The following PRKD3 variants were observed in gnomAD, a reference collection of about 807,000 sequenced individuals.
PRKD3 encodes the protein serine/threonine-protein kinase D3.
Under a neutral mutation model 99.2 loss-of-function variants are expected in PRKD3, and 47 were observed. The observed-to-expected ratio is 0.47, with a 90% CI of 0.38 to 0.60. The LOEUF is 0.60. Among genes scored for constraint, PRKD3 ranks in the 20% least tolerant of loss-of-function variants. PRKD3 has a pLI of 0.00. For synonymous variants in PRKD3, 392 were observed against 355.4 expected, an observed-to-expected ratio of 1.10 and a Z score of -1.16; for missense variants, 1,019 against 1,088.4, an observed-to-expected ratio of 0.94 and a Z score of 0.90.
intron 14 of PRKD3, among the ~76,000 whole-genome samples, chr2:37,263,316 T>G (rs1316277287): frequency 6.6e-6 from 1 of 152,184 alleles, no homozygotes; most frequent in African/African-American, 2.4e-5. Context: ...GTTTTCTGAT[T>G]TTGTAATTTA....
chr2:37,316,580 G>C lies in PRKD3; in HGVS notation c.-56C>G. 1 of 1,548,112 alleles carries C rather than the reference G, an allele frequency of 6.5e-7. No individual in the cohort carries two copies. Among genetic ancestry groups the C allele is most frequent in the South Asian group, 1.3e-5 (1 of 79,418 alleles). The stretch of plus-strand genomic sequence containing the variant: ...TCGATTCTTTTTCAATGGTTATGAA[G>C]AGGTTTTTAAAATAACAGCAGTAAA... On this transcript the variant is annotated 5_prime_UTR_variant, in exon 2 of 19. Transcript: ENST00000234179.
intron 10 of PRKD3, 147 bp from the exon 11 acceptor site, chr2:37,274,844 G>A: frequency 2.5e-6 from 2 of 801,158 alleles, no homozygotes; most frequent in Non-Finnish European, 3.9e-6. Flanking sequence ...TGAGTCTTAT[G>A]ACATGGCCTG....
intron 1 of PRKD3, among the ~76,000 whole-genome samples, chr2:37,320,616 G>C (rs1184428120): frequency 7.9e-5 from 12 of 151,708 alleles, no homozygotes; most frequent in African/African-American, 2.4e-5. Flanking sequence ...ATTTTTAGTA[G>C]AGACGGGGTT....
At position 37,277,888 on chromosome 2, in the gene PRKD3, T is replaced by A; in HGVS notation, c.1274A>T (p.His425Leu). The A allele has an allele frequency of 6.2e-7, 1 of 1,613,770 alleles. No individual in the cohort carries two copies. Among genetic ancestry groups the A allele is most frequent in the Admixed American group, 1.7e-5 (1 of 60,010 alleles). Residue 425 changes from histidine (H) to leucine (L), a missense_variant, in exon 9 of 19, where the codon CAT (histidine) becomes CTT (leucine). This residue lies in a region of PRKD3 where 710 missense variants were observed against 692.7 expected (regional missense o/e 1.02). Transcript: ENST00000234179. Reference protein sequence around the residue: ...STMVKEGWMVHYTSRDNLRKR... With the variant: ...STMVKEGWMVLYTSRDNLRKR... ...GACCAGGTTATCCCTGCTGGTGTAATGGACCATCCACCCTTCCTTCACCAT... is the reference window on the plus strand; with the variant it reads ...GACCAGGTTATCCCTGCTGGTGTAAAGGACCATCCACCCTTCCTTCACCAT...
intron 16 of PRKD3, among the ~76,000 whole-genome samples, 155 bp from the exon 17 acceptor site, chr2:37,257,084 T>C (rs1668013380): frequency 6.6e-6 from 1 of 152,188 alleles, no homozygotes; most frequent in South Asian, 2.1e-4. Context: ...AAAATATCCT[T>C]TTCTCAAAAG....
intron 2 of PRKD3, among the ~76,000 whole-genome samples, chr2:37,296,771 G>C (rs2124857175): frequency 6.6e-6 from 1 of 151,616 alleles, no homozygotes; most frequent in South Asian, 2.1e-4. Flanking sequence ...GTGGTGGCGG[G>C]CGCCTGTAGT....
At chr2:37,285,622 T>G (rs1312056518) in intron 6 of PRKD3, among the ~76,000 whole-genome samples, 1 of 152,218 alleles carries the variant, frequency 6.6e-6, no homozygotes, top group African/African-American at 2.4e-5. Flanking sequence ...TTTTGTTTAG[T>G]GTCTGGCTCT....
chr2:37,282,766 C>T, intron 6 of PRKD3, 147 bp from the exon 7 acceptor site: 2 of 626,004 alleles, frequency 3.2e-6, no homozygotes, highest in African/African-American at 1.8e-5. Flanking sequence ...ACTTTAGCAC[C>T]CCTCTGCACC....
intron 2 of PRKD3, among the ~76,000 whole-genome samples, chr2:37,301,954 C>G (rs1670949992): frequency 6.6e-6 from 1 of 152,172 alleles, no homozygotes; most frequent in South Asian, 2.1e-4. Flanking sequence ...GTGGGTAGAG[C>G]ACTGTAGAAC....
intron 8 of PRKD3, chr2:37,279,163 G>C (rs1669719116): frequency 6.6e-6 from 1 of 152,006 alleles, no homozygotes; most frequent in Non-Finnish European, 1.5e-5. Context: ...CCAAAATGGG[G>C]ACATTTTGCT....
chr2:37,275,652 T>C, intron 10 of PRKD3, 115 bp downstream of exon 10: 1 of 1,161,508 alleles, frequency 8.6e-7, no homozygotes, highest in Non-Finnish European at 1.1e-6. Flanking sequence ...CAGTGACTTC[T>C]ATAAACCATA....
intron 2 of PRKD3, among the ~76,000 whole-genome samples, chr2:37,303,515 C>G (rs190815587): frequency 6.6e-6 from 1 of 151,906 alleles, no homozygotes; most frequent in Non-Finnish European, 1.5e-5. Context: ...ACCTAAGTGC[C>G]GCTGTGGGGC....
intron 14 of PRKD3, among the ~76,000 whole-genome samples, chr2:37,263,218 G>A (rs1243064915): frequency 6.6e-6 from 1 of 152,094 alleles, no homozygotes. Flanking sequence ...TATATATGCA[G>A]TATTTTCAGG....
At chr2:37,306,182 C>T (rs566555614) in intron 2 of PRKD3, among the ~76,000 whole-genome samples, 1 of 151,944 alleles carries the variant, frequency 6.6e-6, no homozygotes, top group Admixed American at 6.6e-5. Context: ...TGGCCTACTC[C>T]CTCAATATCA....
rs1667548733 is a variant in PRKD3, at chr2:37,252,120, AACTGCT to A, written c.*1051_*1056del. The A allele has an allele frequency of 6.6e-6, 1 of 152,180 alleles. No homozygotes were observed. The highest frequency in any genetic ancestry group is 1.5e-5 in the Non-Finnish European group (1 of 68,040). The allele number at this position is 152,180 out of a possible 1,614,324, so 9.4% of individuals were successfully genotyped here. ...TGCTCCACTCCTACACATCCCCTCA[AACTGCT>A]TAAAATAATTGACTTTAAAACACTC... On this transcript the variant is annotated 3_prime_UTR_variant, in exon 19 of 19. Coordinates refer to ENST00000234179, the MANE Select transcript of PRKD3 (RefSeq NM_005813.6).
At position 37,316,415 on chromosome 2, in the gene PRKD3, G is replaced by T. The variant is rs1671659225; in HGVS notation, c.110C>A (p.Ser37Tyr). Reference protein sequence around the residue: ...SPCSSPKTGLSARLSNGSFSA... With the variant: ...SPCSSPKTGLYARLSNGSFSA... ...GAAGCTTCCATTAGAGAGTCGGGCA[G>T]AGAGTCCCGTCTTAGGACTTGAACA... is the stretch of plus-strand genomic sequence containing the variant. The change falls in exon 2 of 19, where the codon TCT (serine) becomes TAT (tyrosine). Residue 37 changes from serine (S) to tyrosine (Y), a missense_variant. Around this residue, in one of 3 missense-constraint regions of PRKD3, gnomAD observed 710 missense variants for 692.7 expected, o/e 1.02. Coordinates refer to ENST00000234179, the MANE Select transcript of PRKD3 (RefSeq NM_005813.6). 1.2e-6 allele frequency: 2 copies of T among 1,614,120 alleles called. No individual in the cohort carries two copies. Among genetic ancestry groups the T allele is most frequent in the Non-Finnish European group, 1.7e-6 (2 of 1,180,050 alleles).
chr2:37,317,156 G>C lies in PRKD3; in HGVS notation c.-632C>G, dbSNP rs1178752843. Reference sequence around the variant, plus strand: ...ATGAATGGGTCCATCGAGAAAAGCTGATGCTTTCTGACATATAGTTAGCCT... The same window carrying C: ...ATGAATGGGTCCATCGAGAAAAGCTCATGCTTTCTGACATATAGTTAGCCT... On this transcript the variant is annotated 5_prime_UTR_variant, in exon 2 of 19. The change creates a new upstream start codon in the 5' untranslated region. Coordinates refer to ENST00000234179, the MANE Select transcript of PRKD3 (RefSeq NM_005813.6). 2.0e-6 allele frequency: 2 copies of C among 984,180 alleles called. No homozygotes were observed. The highest frequency in any genetic ancestry group is 1.2e-4 in the Admixed American group (2 of 16,260). The allele number at this position is 984,180 out of a possible 1,614,324, so 61.0% of individuals were successfully genotyped here. A position where few individuals can be genotyped will look rare whatever the true frequency, so the allele number is the denominator to read the frequency against.
intron 2 of PRKD3, among the ~76,000 whole-genome samples, chr2:37,305,260 T>A (rs889372933): frequency 6.6e-6 from 1 of 152,188 alleles, no homozygotes; most frequent in Admixed American, 6.5e-5. Flanking sequence ...AACTCCTCAA[T>A]TAGGCTACAT....
At chr2:37,288,506 G>A (rs1389228470) in intron 5 of PRKD3, among the ~76,000 whole-genome samples, 1 of 152,118 alleles carries the variant, frequency 6.6e-6, no homozygotes, top group Non-Finnish European at 1.5e-5. Flanking sequence ...GAAGATCAGA[G>A]AAGTTACAGA....
Sources: gnomAD v4.1 joint callset for allele counts (sites outside exome capture counted in the v4.1 genomes callset) on GRCh38, gnomAD v4.1.1 for gene constraint, gnomAD v4.1.1 regional missense constraint, MANE v1.5 for transcripts, NCBI Gene and HGNC (gene_info 2026-07-23, HGNC 2026-07-21) for gene names.